The following SLC36A1 variants were observed in gnomAD, a reference collection of about 807,000 sequenced individuals.
SLC36A1 encodes solute carrier family 36 member 1, also known as proton-coupled amino acid transporter 1.
In SLC36A1, 30 loss-of-function variants were observed where a neutral mutation model predicts 47.5. The ratio of observed to expected loss-of-function variants is 0.63; its 90% CI spans 0.47 to 0.86. SLC36A1 has a LOEUF of 0.86. Among genes scored for constraint, SLC36A1 ranks in the 40% least tolerant of loss-of-function variants. The pLI is 0.00. For missense variants in SLC36A1, 517 were observed against 606.0 expected (o/e 0.85, Z 1.54); for synonymous variants, 255 against 249.7 (o/e 1.02, Z -0.20).
chr5:151,551,974 A>AGGGT, the SLC36A1 span, among the ~76,000 whole-genome samples: 23 of 109,938 alleles, frequency 2.1e-4, no homozygotes, highest in Non-Finnish European at 1.9e-4. Context: ...TATAACCCTA[A>AGGGT]GGGTGTGTGT....
chr5:151,446,453 C>T (rs1343520830), upstream of SLC36A1, among the ~76,000 whole-genome samples: 1 of 152,112 alleles, frequency 6.6e-6, no homozygotes, highest in Non-Finnish European at 1.5e-5. Context: ...TCGCTTGAAT[C>T]CAGGAGGCAG....
At chr5:151,499,499 C>G in the SLC36A1 span, among the ~76,000 whole-genome samples, 1 of 152,198 alleles carries the variant, frequency 6.6e-6, no homozygotes, top group Non-Finnish European at 1.5e-5. Flanking sequence ...CTTTTTTGCC[C>G]TCTAGCTCTT....
the SLC36A1 span, chr5:151,546,181 T>C: frequency 6.2e-7 from 1 of 1,614,176 alleles, no homozygotes; most frequent in Non-Finnish European, 8.5e-7. Context: ...GGGATAGACA[T>C]GAATGATCAC....
chr5:151,545,370 A>T, the SLC36A1 span: 1 of 1,614,146 alleles, frequency 6.2e-7, no homozygotes, highest in Non-Finnish European at 8.5e-7. Flanking sequence ...CAGTGACAGG[A>T]TGGATGGTAA....
downstream of SLC36A1, among the ~76,000 whole-genome samples, chr5:151,495,033 G>A (rs947152508): frequency 1.3e-5 from 2 of 152,208 alleles, no homozygotes; most frequent in African/African-American, 4.8e-5. Flanking sequence ...AAATGATGAG[G>A]TTGTATGGGA....
chr5:151,519,559 T>C, the SLC36A1 span, among the ~76,000 whole-genome samples: 3 of 152,288 alleles, frequency 2.0e-5, no homozygotes, highest in Admixed American at 6.5e-5. Flanking sequence ...CGTGGAAATA[T>C]GTATTTTAAA....
the SLC36A1 span, among the ~76,000 whole-genome samples, chr5:151,386,661 T>G: frequency 6.6e-6 from 1 of 152,172 alleles, no homozygotes; most frequent in African/African-American, 2.4e-5. Flanking sequence ...CTTGTGCAAT[T>G]GGACACTCTC....
the SLC36A1 span, chr5:151,512,674 C>A: frequency 1.6e-5 from 22 of 1,374,372 alleles, no homozygotes; most frequent in Non-Finnish European, 2.1e-5. The surrounding 1 kb of genome is among the most constrained non-coding windows in gnomAD (Gnocchi z 4.1). Flanking sequence ...AAGAGGCTGC[C>A]AGTTCAAAGA....
At chr5:151,366,812 A>G in the SLC36A1 span, among the ~76,000 whole-genome samples, 138 of 152,358 alleles carry the variant, frequency 9.1e-4, no homozygotes, top group Non-Finnish European at 1.5e-3. Flanking sequence ...TGGCTGAGAA[A>G]TAAAGAGAGA....
At chr5:151,430,667 G>A in the SLC36A1 span, among the ~76,000 whole-genome samples, 1 of 152,228 alleles carries the variant, frequency 6.6e-6, no homozygotes, top group South Asian at 2.1e-4. Context: ...TGTGTGCCAG[G>A]TACTGTGTTG....
At chr5:151,543,115 C>T in the SLC36A1 span, 1 of 1,614,130 alleles carries the variant, frequency 6.2e-7, no homozygotes, top group Non-Finnish European at 8.5e-7. Context: ...CAGAGAGTTC[C>T]AGTGAGGAGG....
At chr5:151,458,339 A>ACAC (rs1754976134) in intron 1 of SLC36A1, among the ~76,000 whole-genome samples, 8 of 105,904 alleles carry the variant, frequency 7.6e-5, no homozygotes, top group African/African-American at 2.1e-4. Context: ...TATATGGGAT[A>ACAC]TTTATATATA....
chr5:151,452,397 G>A (rs898180005), intron 1 of SLC36A1: 47 of 152,220 alleles, frequency 3.1e-4, no homozygotes, highest in African/African-American at 1.1e-3. Flanking sequence ...GCTGCTCTGA[G>A]TTCCAAAGTC....
chr5:151,542,356 A>G, the SLC36A1 span: 3 of 1,614,124 alleles, frequency 1.9e-6, no homozygotes, highest in Admixed American at 5.0e-5. Context: ...AGTCGCCACC[A>G]GTTCGCCAGG....
Position 151,458,829 on chromosome 5 carries a change from G to A in SLC36A1, c.37G>A (p.Asp13Asn), listed in dbSNP as rs763518368. 7.4e-6 allele frequency: 12 copies of A among 1,614,064 alleles called. No individual in the cohort carries two copies. The highest frequency in any genetic ancestry group is 4.5e-5 in the East Asian group (2 of 44,882). Reference sequence around the variant, plus strand: ...GAGACTTCGGAATGAAGACTACCACGACTACAGCTCCACGGACGTGAGCCC... The same window carrying A: ...GAGACTTCGGAATGAAGACTACCACAACTACAGCTCCACGGACGTGAGCCC... ...TQRLRNEDYH[D>N]YSSTDVSPEE... is the part of the protein sequence containing the mutation. The change falls in exon 2 of 11, where the codon GAC becomes AAC. Residue 13 changes from aspartate (D) to asparagine (N), a missense_variant. By Grantham distance (23) the Asp-to-Asn change is conservative (BLOSUM62 1). Coordinates refer to ENST00000243389, the MANE Select transcript of SLC36A1 (RefSeq NM_078483.4).
chr5:151,405,698 T>G, the SLC36A1 span, among the ~76,000 whole-genome samples: 1 of 152,210 alleles, frequency 6.6e-6, no homozygotes, highest in African/African-American at 2.4e-5. Flanking sequence ...CTGGTGTTTC[T>G]TTATCTTTTT....
intron 1 of SLC36A1, among the ~76,000 whole-genome samples, chr5:151,448,194 G>A (rs1753106763): frequency 6.6e-6 from 1 of 152,216 alleles, no homozygotes; most frequent in African/African-American, 2.4e-5. Flanking sequence ...TCCTAGGACA[G>A]TTGGAGAAAC....
At chr5:151,524,168 C>T in the SLC36A1 span, among the ~76,000 whole-genome samples, 1 of 152,112 alleles carries the variant, frequency 6.6e-6, no homozygotes, top group African/African-American at 2.4e-5. Context: ...CCGTCTGAAA[C>T]CCTCCAACCA....
chr5:151,420,786 A>G, the SLC36A1 span, among the ~76,000 whole-genome samples: 1 of 152,022 alleles, frequency 6.6e-6, no homozygotes, highest in Non-Finnish European at 1.5e-5. Flanking sequence ...TTAAGTCCAG[A>G]CCTTTTAAAA....
Sources: gnomAD v4.1 joint callset for allele counts (sites outside exome capture counted in the v4.1 genomes callset) on GRCh38, gnomAD v4.1.1 for gene constraint, Gnocchi (gnomAD v3.1) non-coding constraint, MANE v1.5 for transcripts, NCBI Gene and HGNC (gene_info 2026-07-23, HGNC 2026-07-21) for gene names.